Variants in SV2C observed in about 807,000 individuals in gnomAD.
The protein encoded by SV2C is solute carrier family 22 member B3.
Under a neutral mutation model 79.7 loss-of-function variants are expected in SV2C, and 49 were observed. That is an observed-to-expected ratio of 0.61 (90% CI 0.49 to 0.78). The LOEUF (loss-of-function observed/expected upper bound fraction) is 0.78, where lower values mean the gene tolerates loss of function less well. Ranked by LOEUF, SV2C falls within the 30% of genes least tolerant of loss-of-function variation. SV2C has a pLI of 0.00. For missense variants in SV2C, 833 were observed against 912.9 expected, an observed-to-expected ratio of 0.91 and a Z score of 1.13; for synonymous variants, 334 against 333.2, an observed-to-expected ratio of 1.00 and a Z score of -0.03.
At chr5:76,072,765 G>A in the SV2C span, among the ~76,000 whole-genome samples, 23 of 152,158 alleles carry the variant, frequency 1.5e-4, no homozygotes, top group Non-Finnish European at 2.5e-4. Flanking sequence ...CCAGACCAAC[G>A]TCTATTATTT....
the SV2C span, among the ~76,000 whole-genome samples, chr5:75,867,771 C>G: frequency 6.6e-6 from 1 of 152,324 alleles, no homozygotes; most frequent in South Asian, 2.1e-4. Context: ...AACAACTTCT[C>G]ATCTTGGGAG....
At chr5:76,200,175 G>A (rs1744394628) in intron 3 of SV2C, among the ~76,000 whole-genome samples, 1 of 152,222 alleles carries the variant, frequency 6.6e-6, no homozygotes, top group Non-Finnish European at 1.5e-5. Context: ...TGGGCCCAGT[G>A]AGTCAGGCAC....
At chr5:76,172,999 C>T (rs1172167788) in intron 2 of SV2C, among the ~76,000 whole-genome samples, 1 of 128,110 alleles carries the variant, frequency 7.8e-6, no homozygotes, top group African/African-American at 2.9e-5. Context: ...TGTCCCATGA[C>T]CCTGCCAAAT....
the SV2C span, chr5:76,075,687 A>G: frequency 8.5e-6 from 3 of 354,732 alleles, no homozygotes; most frequent in Non-Finnish European, 1.8e-5. Flanking sequence ...CTAGATTAGT[A>G]AAAGAAGTCT....
At chr5:76,093,602 T>C (rs1747449893) in intron 1 of SV2C, among the ~76,000 whole-genome samples, 1 of 152,186 alleles carries the variant, frequency 6.6e-6, no homozygotes, top group Non-Finnish European at 1.5e-5. Flanking sequence ...ATTCTTCTTA[T>C]CCTCCAAATA....
At chr5:76,184,030 C>T (rs142702159) in intron 2 of SV2C, among the ~76,000 whole-genome samples, 62 of 152,300 alleles carry the variant, frequency 4.1e-4, no homozygotes, top group African/African-American at 5.3e-4. Context: ...TTCAAAGCCC[C>T]GGCTTCATAT....
At chr5:76,259,772 A>G (rs755911092) in intron 4 of SV2C, among the ~76,000 whole-genome samples, 26 of 152,224 alleles carry the variant, frequency 1.7e-4, no homozygotes, top group Non-Finnish European at 3.2e-4. Context: ...TGCAAAGGAC[A>G]TGAACTCATT....
intron 4 of SV2C, among the ~76,000 whole-genome samples, chr5:76,210,275 T>C (rs1228612749): frequency 1.3e-5 from 2 of 152,142 alleles, no homozygotes; most frequent in Non-Finnish European, 2.9e-5. Flanking sequence ...AAGGGCTCAG[T>C]CCCACAAGAC....
At chr5:76,168,326 T>C (rs1345270827) in intron 2 of SV2C, among the ~76,000 whole-genome samples, 1 of 152,150 alleles carries the variant, frequency 6.6e-6, no homozygotes, top group African/African-American at 2.4e-5. Context: ...CTACTTTAGC[T>C]GACTCAACTC....
intron 2 of SV2C, among the ~76,000 whole-genome samples, chr5:76,136,601 A>G (rs1485997609): frequency 6.6e-6 from 1 of 152,058 alleles, no homozygotes; most frequent in Non-Finnish European, 1.5e-5. Context: ...TACCAGGCTT[A>G]CCTTTGGAAA....
chr5:76,038,740 A>T, the SV2C span, among the ~76,000 whole-genome samples: 1 of 152,232 alleles, frequency 6.6e-6, no homozygotes, highest in Non-Finnish European at 1.5e-5. Context: ...ATTTTGCATA[A>T]TTATTGAATT....
intron 4 of SV2C, among the ~76,000 whole-genome samples, chr5:76,245,990 GT>G (rs572759985): frequency 6.0e-4 from 90 of 149,128 alleles, no homozygotes; most frequent in African/African-American, 2.0e-3. Flanking sequence ...GATATAGAAG[GT>G]TTTTTTTCCA....
the SV2C span, among the ~76,000 whole-genome samples, chr5:75,984,553 C>CTA: frequency 1.4e-3 from 150 of 106,352 alleles, no homozygotes; most frequent in African/African-American, 5.7e-3. Flanking sequence ...ATCTATCTAT[C>CTA]TATCTATCTA....
the SV2C span, among the ~76,000 whole-genome samples, chr5:76,056,995 C>T: frequency 3.9e-5 from 6 of 152,078 alleles, no homozygotes; most frequent in Admixed American, 3.3e-4. Flanking sequence ...CTATCTCCTT[C>T]AGTTCTGCTC....
intron 4 of SV2C, among the ~76,000 whole-genome samples, chr5:76,271,616 C>CTTTTTT (rs34458409): frequency 5.5e-3 from 530 of 95,982 alleles, no homozygotes; most frequent in African/African-American, 0.01. Flanking sequence ...AGCATGTGTT[C>CTTTTTT]TTTTTTTTTT....
chr5:76,345,897 C>T (rs905750082), intron 12 of SV2C, among the ~76,000 whole-genome samples: 1 of 152,152 alleles, frequency 6.6e-6, no homozygotes, highest in African/African-American at 2.4e-5. Context: ...CCCTCCATCA[C>T]CCTCAACTGC....
the SV2C span, among the ~76,000 whole-genome samples, chr5:75,872,828 G>A: frequency 7.9e-5 from 12 of 151,916 alleles, no homozygotes; most frequent in Admixed American, 2.0e-4. Context: ...GTTAATGGGT[G>A]CAGCACACCA....
chr5:76,299,967 C>T (rs961827990), intron 10 of SV2C, among the ~76,000 whole-genome samples: 1 of 152,074 alleles, frequency 6.6e-6, no homozygotes, highest in Non-Finnish European at 1.5e-5. Flanking sequence ...TAGATTCATG[C>T]ACATAGACTT....
At chr5:75,853,555 CAAAAAAAAA>C in the SV2C span, among the ~76,000 whole-genome samples, 1 of 28,980 alleles carries the variant, frequency 3.5e-5, no homozygotes, top group Non-Finnish European at 6.9e-5. Flanking sequence ...GACTCCTTCT[CAAAAAAAAA>C]AAAAAAAAAA....
Sources: allele counts gnomAD v4.1 joint callset (sites outside exome capture counted in the v4.1 genomes callset), GRCh38; gene constraint gnomAD v4.1.1; transcripts MANE v1.5; gene names NCBI Gene and HGNC (gene_info 2026-07-23, HGNC 2026-07-21).